The following PSMD5 variants were observed in gnomAD, a reference collection of about 807,000 sequenced individuals.
PSMD5 encodes the protein proteasome 26S subunit, non-ATPase 5.
In PSMD5, 40 loss-of-function variants were observed where a neutral mutation model predicts 52.1. That is an observed-to-expected ratio of 0.77 (90% CI 0.60 to 1.00). The LOEUF (loss-of-function observed/expected upper bound fraction) is 1.00. Among genes scored for constraint, PSMD5 ranks in the 50% least tolerant of loss-of-function variants. PSMD5 has a pLI of 0.00. For missense variants in PSMD5, 575 were observed against 605.2 expected, an observed-to-expected ratio of 0.95 and a Z score of 0.52; for synonymous variants, 211 against 226.6, an observed-to-expected ratio of 0.93 and a Z score of 0.62.
At position 120,829,131 on chromosome 9, in the gene PSMD5, C is replaced by T; in HGVS notation, c.639G>A (p.Leu213=). ...CTTSGLVTQL[L]RELTGEDVLV... ...ACACATCCTCACCAGTCAGCTCTCT[C>T]AGGAGCTGGGTTACCAATCCACTTG... Residue 213 remains leucine, a synonymous_variant, in exon 5 of 10, where the codon CTG becomes CTA. Transcript: ENST00000210313. 1 of 1,606,844 alleles carries T rather than the reference C, an allele frequency of 6.2e-7. No individual in the cohort carries two copies. The highest frequency in any genetic ancestry group is 8.5e-7 in the Non-Finnish European group (1 of 1,176,156).
At chr9:120,835,556 C>T (rs934101286) in intron 1 of PSMD5, among the ~76,000 whole-genome samples, 4 of 151,934 alleles carry the variant, frequency 2.6e-5, no homozygotes, top group Admixed American at 6.6e-5. Flanking sequence ...GAAACCCCAT[C>T]TCAACTAAAA....
At chr9:120,842,422 G>T in intron 1 of PSMD5, 1 of 405,078 alleles carries the variant, frequency 2.5e-6, no homozygotes, top group East Asian at 4.7e-5. Flanking sequence ...CCTGTACAAA[G>T]AGATGTGGAA....
Position 120,821,422 on chromosome 9 carries a change from G to A in PSMD5, c.1049C>T (p.Ser350Leu), listed in dbSNP as rs2131420874. The stretch of plus-strand genomic sequence containing the variant: ...TTTTAGCTCCACTGGGGCATTCTTT[G>A]ATTGATGTCCTATTCTCATAAGCAA... ...ERLLMRIGHQ[S>L]KNAPVELKIR... Residue 350 changes from serine to leucine, a missense_variant, in exon 8 of 10, where the codon TCA (serine) becomes TTA (leucine). Transcript: ENST00000210313. The A allele has an allele frequency of 1.2e-6, 2 of 1,610,284 alleles. No individual in the cohort carries two copies. Among genetic ancestry groups the A allele is most frequent in the Non-Finnish European group, 1.7e-6 (2 of 1,178,282 alleles).
intron 1 of PSMD5, among the ~76,000 whole-genome samples, chr9:120,834,140 C>T (rs1185228497): frequency 2.0e-5 from 3 of 151,948 alleles, no homozygotes; most frequent in Non-Finnish European, 4.4e-5. Context: ...CCACCACACC[C>T]GGCTAACTTT....
At chr9:120,839,637 T>G (rs1021649463) in intron 1 of PSMD5, among the ~76,000 whole-genome samples, 2 of 152,180 alleles carry the variant, frequency 1.3e-5, no homozygotes, top group African/African-American at 4.8e-5. Flanking sequence ...CACTGTTGAT[T>G]CAGTGGTTCA....
intron 8 of PSMD5, 94 bp from the exon 9 acceptor site, chr9:120,821,073 CTG>C: frequency 7.4e-7 from 1 of 1,347,934 alleles, no homozygotes; most frequent in South Asian, 1.5e-5. Context: ...TGATGGCACT[CTG>C]TCATTAATTT....
At position 120,817,919 on chromosome 9, in the gene PSMD5, TCTA is replaced by T. The variant is rs755441978; in HGVS notation, c.1499_1501del (p.Val500del). On this transcript the variant is annotated inframe_deletion, in exon 10 of 10. Transcript: ENST00000210313. Reference sequence around the variant, plus strand: ...CTCTAGAAGAAATCATTCGGCTCCTTCTACTGCTGTCGTGGAAACAGGTTTCAC... The same window carrying T: ...CTCTAGAAGAAATCATTCGGCTCCTTCTGCTGTCGTGGAAACAGGTTTCAC... 5 of 1,612,730 alleles carry T rather than the reference TCTA, an allele frequency of 3.1e-6. No homozygotes were observed. The highest frequency in any genetic ancestry group is 1.3e-5 in the African/African-American group (1 of 74,900).
At chr9:120,819,368 A>G (rs1227005300) in intron 9 of PSMD5, among the ~76,000 whole-genome samples, 1 of 152,244 alleles carries the variant, frequency 6.6e-6, no homozygotes, top group East Asian at 1.9e-4. Context: ...GTAGGCAGAA[A>G]TAAAAATAGT....
intron 4 of PSMD5, among the ~76,000 whole-genome samples, chr9:120,831,031 A>G (rs12376029): frequency 0.17 from 25,941 of 152,044 alleles, 2,545 homozygotes; most frequent in African/African-American, 0.25. Flanking sequence ...CGACATGCAC[A>G]TACCACCATG....
intron 9 of PSMD5, among the ~76,000 whole-genome samples, chr9:120,819,107 C>T (rs1015736491): frequency 6.6e-6 from 1 of 152,166 alleles, no homozygotes; most frequent in South Asian, 2.1e-4. Context: ...TAAGTCTTTT[C>T]CAAATTTTAA....
chr9:120,841,179 T>G (rs1200055517), intron 1 of PSMD5, among the ~76,000 whole-genome samples: 1 of 152,274 alleles, frequency 6.6e-6, no homozygotes, highest in African/African-American at 2.4e-5. Context: ...TGCAATGTTA[T>G]ACAAGTTTTA....
chr9:120,831,393 G>C lies in PSMD5; in HGVS notation c.499C>G (p.Leu167Val). 1 of 1,612,714 alleles carries C rather than the reference G, an allele frequency of 6.2e-7. No individual in the cohort carries two copies. The highest frequency in any genetic ancestry group is 1.1e-5 in the South Asian group (1 of 90,872). Residue 167 changes from leucine (L) to valine (V), a missense_variant, in exon 4 of 10, where the codon CTG becomes GTG. Transcript: ENST00000210313. ...ATTACACTTTTCAAATCATCCAGCA[G>C]ATTGCTTTCAAATAAAGCCTCCAGT... ...AGLEALFESN[L>V]LDDLKSVMKT...
At chr9:120,837,824 G>A (rs1469973230) in intron 1 of PSMD5, among the ~76,000 whole-genome samples, 5 of 152,184 alleles carry the variant, frequency 3.3e-5, no homozygotes, top group Non-Finnish European at 7.4e-5. Flanking sequence ...ACTGTCATTT[G>A]TAATATCTCC....
Position 120,826,549 on chromosome 9 carries a change from T to G in PSMD5, c.814+216A>C, listed in dbSNP as rs1588068383. The G allele has an allele frequency of 1.6e-5, 8 of 514,566 alleles. No homozygotes were observed. The East Asian group carries it at 2.5e-4, about 16-fold the overall frequency. 31.9% of individuals were successfully genotyped at this position (514,566 alleles called of 1,614,324 possible). ...CTGAACCCTCCCTGCATCCATAGGATAAATCCCACTTCATCAGGGTGGATG... is the reference window on the plus strand; with the variant it reads ...CTGAACCCTCCCTGCATCCATAGGAGAAATCCCACTTCATCAGGGTGGATG... On this transcript the variant is annotated intron_variant, in intron 6 of 9. Transcript: ENST00000210313.
chr9:120,840,126 CAAAAAAA>C (rs748840129), intron 1 of PSMD5, among the ~76,000 whole-genome samples: 1 of 39,138 alleles, frequency 2.6e-5, no homozygotes, highest in African/African-American at 9.6e-5. Flanking sequence ...GAACCCGTCT[CAAAAAAA>C]AAAAAAAAAA....
chr9:120,818,195 CCT>C lies in PSMD5; in HGVS notation c.1258-34_1258-33del, dbSNP rs752290044. ...TGGAAGGCAGAAAGAATACAATTCC[CCT>C]GAGTGGAAGTTGTTTGTTAATGGGA... On this transcript the variant is annotated intron_variant, in intron 9 of 9. Transcript: ENST00000210313. 5 of 1,582,542 alleles carry C rather than the reference CCT, an allele frequency of 3.2e-6. No homozygotes were observed. In the African/African-American group the frequency reaches 5.4e-5, roughly 17 times the overall value.
Position 120,816,778 on chromosome 9 carries a change from T to C in PSMD5, c.*1128A>G, listed in dbSNP as rs2131416347. On this transcript the variant is annotated 3_prime_UTR_variant, in exon 10 of 10. Transcript: ENST00000210313. ...GTGTTGTCAATGAAAAGAAAGATTA[T>C]CCTTTGTAAATTAATGAGATGGTAT... 1 of 152,342 alleles carries C rather than the reference T, an allele frequency of 6.6e-6. No homozygotes were observed. Among genetic ancestry groups the C allele is most frequent in the African/African-American group, 2.4e-5 (1 of 41,580 alleles). 9.4% of individuals were successfully genotyped at this position (152,342 alleles called of 1,614,324 possible).
At position 120,817,677 on chromosome 9, in the gene PSMD5, C is replaced by T; in HGVS notation, c.*229G>A. The T allele has an allele frequency of 4.1e-6, 2 of 492,322 alleles. No homozygotes were observed. Among genetic ancestry groups the T allele is most frequent in the Non-Finnish European group, 7.1e-6 (2 of 281,452 alleles). The allele number at this position is 492,322 out of a possible 1,614,324, so 30.5% of individuals were successfully genotyped here. On this transcript the variant is annotated 3_prime_UTR_variant, in exon 10 of 10. Transcript: ENST00000210313. ...AAGGCAGTGAAAGGAATCTGAAAAA[C>T]ACTGGATCTATTATGACCAAGCTTG...
chr9:120,822,489 C>T (rs2045092405), intron 7 of PSMD5, among the ~76,000 whole-genome samples: 1 of 152,138 alleles, frequency 6.6e-6, no homozygotes, highest in African/African-American at 2.4e-5. Flanking sequence ...CGACATATAA[C>T]AAAAATATTA....
Sources: allele counts gnomAD v4.1 joint callset (sites outside exome capture counted in the v4.1 genomes callset), GRCh38; gene constraint gnomAD v4.1.1; transcripts MANE v1.5; gene names NCBI Gene and HGNC (gene_info 2026-07-23, HGNC 2026-07-21).